Variants in NPC1 observed in about 807,000 individuals in gnomAD.
NPC1 encodes the protein NPC intracellular cholesterol transporter 1.
Under a neutral mutation model 140.4 loss-of-function variants are expected in NPC1, and 85 were observed. The ratio of observed to expected loss-of-function variants is 0.61; its 90% CI spans 0.51 to 0.72. The LOEUF is 0.72. Ranked by LOEUF, NPC1 falls within the 30% of genes least tolerant of loss-of-function variation. The probability of loss-of-function intolerance (pLI) is 0.00; values close to 1 mark genes in which losing one functional copy is unlikely to be tolerated. For missense variants in NPC1, 1,504 were observed against 1,623.8 expected, an observed-to-expected ratio of 0.93 and a Z score of 1.27; for synonymous variants, 656 against 624.8, an observed-to-expected ratio of 1.05 and a Z score of -0.74.
At chr18:23,531,081 G>A (rs536169687), downstream of NPC1, among the ~76,000 whole-genome samples, 17 of 150,766 alleles carry the variant, frequency 1.1e-4, 1 homozygote, top group Middle Eastern at 3.5e-3. Context: ...TGCAACCTCC[G>A]CTGGGTTCAA....
At chr18:23,553,372 C>A (rs2058902511) in intron 9 of NPC1, among the ~76,000 whole-genome samples, 3 of 152,112 alleles carry the variant, frequency 2.0e-5, no homozygotes, top group African/African-American at 7.2e-5. Context: ...GTGGAGAATG[C>A]CGGTTTAGGG....
At chr18:23,547,129 C>G (rs775452727) in intron 11 of NPC1, among the ~76,000 whole-genome samples, 6 of 152,026 alleles carry the variant, frequency 3.9e-5, no homozygotes, top group Non-Finnish European at 8.8e-5. Context: ...GAACTGTATA[C>G]TTTAAGTGGG....
chr18:23,582,144 T>A (rs1030424624), intron 1 of NPC1: 1 of 152,122 alleles, frequency 6.6e-6, no homozygotes, highest in Non-Finnish European at 1.5e-5. Flanking sequence ...TTTAAATGGG[T>A]TAATTCTTTT....
intron 4 of NPC1, among the ~76,000 whole-genome samples, chr18:23,563,775 T>G (rs2960578): frequency 0.53 from 80,078 of 151,886 alleles, 21,801 homozygotes; most frequent in East Asian, 0.91. Flanking sequence ...TGTCAACACT[T>G]CTTGTTATGT....
downstream of NPC1, among the ~76,000 whole-genome samples, chr18:23,521,617 AT>A (rs2058142429): frequency 6.6e-6 from 1 of 151,958 alleles, no homozygotes; most frequent in African/African-American, 2.4e-5. Context: ...GAAGTCATTT[AT>A]TTGCTTCGTT....
chr18:23,509,942 G>A (rs2057807165), intron 3 of NPC1, among the ~76,000 whole-genome samples: 1 of 149,436 alleles, frequency 6.7e-6, no homozygotes, highest in Admixed American at 6.7e-5. Context: ...CTCAACTCCT[G>A]CCTTGGCCAC....
At position 23,540,459 on chromosome 18, in the gene NPC1, A is replaced by C. The variant is rs977397569; in HGVS notation, c.2593T>G (p.Ser865Ala). Residue 865 changes from serine to alanine, a missense_variant, in exon 17 of 25, where the codon TCG becomes GCG. Physicochemically the swap from Ser to Ala is moderately conservative, Grantham distance 99. Transcript: ENST00000269228. ...GGAAGTCATCTTACATCTGGCATCGAAAGAGACTGATCCAATCCAATATCT... is the reference window on the plus strand; with the variant it reads ...GGAAGTCATCTTACATCTGGCATCGCAAGAGACTGATCCAATCCAATATCT... ...KVDIGLDQSL[S>A]MPDDSYMVDY... is the part of the protein sequence containing the mutation. 11 of 1,606,046 alleles carry C rather than the reference A, an allele frequency of 6.8e-6. No individual in the cohort carries two copies. The Admixed American group carries it at 1.8e-4, about 27-fold the overall frequency.
At position 23,554,992 on chromosome 18, in the gene NPC1, A is replaced by G; in HGVS notation, c.1327-8T>C. 6.3e-7 allele frequency: 1 copy of G among 1,584,284 alleles called. No individual in the cohort carries two copies. The highest frequency in any genetic ancestry group is 2.2e-5 in the East Asian group (1 of 44,718). On this transcript the variant is annotated splice_polypyrimidine_tract_variant and splice_region_variant and intron_variant, in intron 8 of 24. Transcript: ENST00000269228. Reference sequence around the variant, plus strand: ...TATTTGTAAGTCAAGAACCTGAAAGAAGATTTTAAAAATAAGCAAACCCAG... The same window carrying G: ...TATTTGTAAGTCAAGAACCTGAAAGGAGATTTTAAAAATAAGCAAACCCAG...
At chr18:23,529,423 G>C (rs2058416076), downstream of NPC1, 1 of 1,434,266 alleles carries the variant, frequency 7.0e-7, no homozygotes, top group Non-Finnish European at 9.2e-7. Flanking sequence ...GTTTCCTTGG[G>C]TGAGGCCCTA....
At chr18:23,533,323 T>C (rs2058569530) in intron 24 of NPC1, 32 bp downstream of exon 24, 1 of 1,601,478 alleles carries the variant, frequency 6.2e-7, no homozygotes. Context: ...TGTCCTTCTA[T>C]TGTGCCACCC....
intron 3 of NPC1, among the ~76,000 whole-genome samples, chr18:23,512,924 A>G (rs894155536): frequency 1.6e-4 from 25 of 152,028 alleles, no homozygotes; most frequent in African/African-American, 5.8e-4. Context: ...CAGCCCCAGC[A>G]ATCTCTATTT....
chr18:23,568,647 T>G (rs1386134844), intron 4 of NPC1, among the ~76,000 whole-genome samples, 176 bp downstream of exon 4: 1 of 152,160 alleles, frequency 6.6e-6, no homozygotes, highest in African/African-American at 2.4e-5. Flanking sequence ...TTAAGGAGAT[T>G]TTTATATTCG....
rs2058698654 is a variant in NPC1, at chr18:23,540,477, C to A, written c.2575G>T (p.Gly859Ter). Residue 859 changes from glycine to a stop codon, truncating the protein, a stop_gained, in exon 17 of 25, where the codon GGA becomes TGA. Transcript: ENST00000269228. LOFTEE classifies it high-confidence loss of function. ...GGCATCGAAAGAGACTGATCCAATC[C>A]AATATCTACTTTGTTCAGGACTGCG... ...SIAVLNKVDI[G>*]LDQSLSMPDD... 6.2e-7 allele frequency: 1 copy of A among 1,611,032 alleles called. No homozygotes were observed. Among genetic ancestry groups the A allele is most frequent in the Non-Finnish European group, 8.5e-7 (1 of 1,178,264 alleles).
At chr18:23,550,909 A>C (rs747839151) in intron 10 of NPC1, among the ~76,000 whole-genome samples, 3 of 152,190 alleles carry the variant, frequency 2.0e-5, no homozygotes, top group Non-Finnish European at 4.4e-5. Context: ...CTTCTCCAAC[A>C]ATTAGAAATG....
chr18:23,577,128 A>C (rs2059294930), intron 1 of NPC1, among the ~76,000 whole-genome samples: 2 of 151,330 alleles, frequency 1.3e-5, no homozygotes, highest in African/African-American at 4.9e-5. Flanking sequence ...GTTTCCACAC[A>C]CAGGTTCTCC....
At chr18:23,567,846 A>T (rs1297240392) in intron 4 of NPC1, among the ~76,000 whole-genome samples, 1 of 152,240 alleles carries the variant, frequency 6.6e-6, no homozygotes, top group Non-Finnish European at 1.5e-5. Context: ...TTTCACCCAC[A>T]GTTGAAATTG....
chr18:23,531,395 T>C (rs999563475), downstream of NPC1: 3 of 763,356 alleles, frequency 3.9e-6, no homozygotes, highest in Non-Finnish European at 5.7e-6. Flanking sequence ...TATTTCTAGC[T>C]CAATGTAAGA....
At position 23,560,247 on chromosome 18, in the gene NPC1, C is replaced by T; in HGVS notation, c.865G>A (p.Ala289Thr). The T allele has an allele frequency of 6.2e-7, 1 of 1,614,066 alleles. No homozygotes were observed. The highest frequency in any genetic ancestry group is 8.5e-7 in the Non-Finnish European group (1 of 1,180,010). Reference sequence around the variant, plus strand: ...ACTGCTTACCTGTAGCACCACACTGCAAAAAATGCTCCAAAAAACACAAGC... The same window carrying T: ...ACTGCTTACCTGTAGCACCACACTGTAAAAAATGCTCCAAAAAACACAAGC... Reference protein sequence around the residue: ...FLLVFFGAFFAVWCYRKRYFV... With the variant: ...FLLVFFGAFFTVWCYRKRYFV... Residue 289 changes from alanine to threonine, a missense_variant, in exon 6 of 25, where the codon GCA (alanine) becomes ACA (threonine). Coordinates refer to ENST00000269228, the MANE Select transcript of NPC1 (RefSeq NM_000271.5).
chr18:23,523,290 A>G (rs2058192548), intron 1 of NPC1, among the ~76,000 whole-genome samples: 2 of 152,110 alleles, frequency 1.3e-5, no homozygotes, highest in Admixed American at 6.6e-5. Context: ...GGCTGCCTGC[A>G]TGGCTCATGA....
Sources: gnomAD v4.1 joint callset for allele counts (sites outside exome capture counted in the v4.1 genomes callset) on GRCh38, gnomAD v4.1.1 for gene constraint, MANE v1.5 for transcripts, NCBI Gene and HGNC (gene_info 2026-07-23, HGNC 2026-07-21) for gene names.